TEK: variants seen among roughly 807,000 people sequenced by gnomAD.
TEK encodes angiopoietin-1 receptor.
Under a neutral mutation model 131.8 loss-of-function variants are expected in TEK, and 43 were observed. The ratio of observed to expected loss-of-function variants is 0.33; its 90% CI spans 0.26 to 0.42. The LOEUF is 0.42. TEK is among the 10% of genes least tolerant of loss of function. TEK has a pLI of 1.00. For missense variants in TEK, 1,162 were observed against 1,384.4 expected, an observed-to-expected ratio of 0.84 and a Z score of 2.55; for synonymous variants, 580 against 491.6, an observed-to-expected ratio of 1.18 and a Z score of -2.38.
chr9:27,203,084 T>A lies in TEK; in HGVS notation c.2174T>A (p.Phe725Tyr). 6.2e-7 allele frequency: 1 copy of A among 1,614,098 alleles called. No individual in the cohort carries two copies. The highest frequency in any genetic ancestry group is 8.5e-7 in the Non-Finnish European group (1 of 1,179,994). Residue 725 changes from phenylalanine to tyrosine, a missense_variant, in exon 13 of 23, where the codon TTT becomes TAT. Around this residue, in one of 6 missense-constraint regions of TEK, gnomAD observed 477 missense variants for 471.0 expected, o/e 1.01. Transcript: ENST00000380036. ...AACATAGGGTCAAGCAACCCAGCCTTTTCTCATGAACTGGTGACCCTCCCA... is the reference window on the plus strand; with the variant it reads ...AACATAGGGTCAAGCAACCCAGCCTATTCTCATGAACTGGTGACCCTCCCA... ...ENNIGSSNPA[F>Y]SHELVTLPES...
At chr9:27,142,279 G>C (rs996370958) in intron 1 of TEK, among the ~76,000 whole-genome samples, 1 of 152,252 alleles carries the variant, frequency 6.6e-6, no homozygotes, top group African/African-American at 2.4e-5. Flanking sequence ...GATACAATGA[G>C]AGAAAGAGTG....
rs62546532 is a variant in TEK at position 27,217,859 on chromosome 9, G to C, written c.3062+101G>C. On this transcript the variant is annotated intron_variant, in intron 19 of 22. Transcript: ENST00000380036. The stretch of plus-strand genomic sequence containing the variant: ...GATACAGGAATGTCCTGTAGCTCTC[G>C]GGAACAAAGGTAACTAAAAAGCTCA... 4,315 of 996,732 alleles carry C rather than the reference G, an allele frequency of 4.3e-3. 15 individuals are homozygous for C. The highest frequency in any genetic ancestry group is 5.7e-3 in the Non-Finnish European group (3,657 of 637,514). 61.7% of individuals were successfully genotyped at this position (996,732 alleles called of 1,614,324 possible). A position where few individuals can be genotyped will look rare whatever the true frequency, so the allele number is the denominator to read the frequency against.
chr9:27,186,227 G>A (rs1261015395), intron 9 of TEK, among the ~76,000 whole-genome samples: 1 of 152,188 alleles, frequency 6.6e-6, no homozygotes, highest in Admixed American at 6.6e-5. Context: ...GAGTGTTTGT[G>A]TGTAGATTTG....
At chr9:27,143,575 C>T (rs1190863456) in intron 1 of TEK, among the ~76,000 whole-genome samples, 3 of 152,218 alleles carry the variant, frequency 2.0e-5, no homozygotes, top group Non-Finnish European at 4.4e-5. Flanking sequence ...CTGATTTGAA[C>T]ATTTAATGAA....
At chr9:27,175,208 A>G (rs1448280802) in intron 6 of TEK, among the ~76,000 whole-genome samples, 1 of 143,078 alleles carries the variant, frequency 7.0e-6, no homozygotes, top group East Asian at 2.2e-4. Context: ...TCACTGTTCA[A>G]TTCCCATCTA....
chr9:27,119,157 T>C (rs1239934984), intron 1 of TEK, among the ~76,000 whole-genome samples: 2 of 152,148 alleles, frequency 1.3e-5, no homozygotes, highest in African/African-American at 4.8e-5. Flanking sequence ...TAGGAAATGA[T>C]GGAGACAAGA....
At chr9:27,165,599 G>T (rs1161553231) in intron 2 of TEK, among the ~76,000 whole-genome samples, 1 of 152,150 alleles carries the variant, frequency 6.6e-6, no homozygotes, top group Non-Finnish European at 1.5e-5. Flanking sequence ...GCACCTCAGG[G>T]CTTAGCCTAC....
intron 2 of TEK, among the ~76,000 whole-genome samples, chr9:27,161,540 G>A (rs754379841): frequency 6.6e-6 from 1 of 152,348 alleles, no homozygotes; most frequent in Non-Finnish European, 1.5e-5. Context: ...ATTTGATGCC[G>A]AGTGATCTGA....
chr9:27,183,473 A>T lies in TEK; in HGVS notation c.1045A>T (p.Thr349Ser), dbSNP rs1370820069. 3 of 1,613,670 alleles carry T rather than the reference A, an allele frequency of 1.9e-6. No homozygotes were observed. The highest frequency in any genetic ancestry group is 2.5e-6 in the Non-Finnish European group (3 of 1,179,800). ...QCEREGIQRM[T>S]PKIVDLPDHI... ...TCTTCCTTCAGGCATACAGAGGATG[A>T]CCCCAAAGATAGTGGATTTGCCAGA... The change falls in exon 8 of 23, where the codon ACC becomes TCC. Residue 349 changes from threonine (T) to serine (S), a missense_variant. Thr to Ser is a moderately conservative substitution (Grantham distance 58). Around this residue, in one of 6 missense-constraint regions of TEK, gnomAD observed 436 missense variants for 539.1 expected, o/e 0.81. Coordinates refer to ENST00000380036, the MANE Select transcript of TEK (RefSeq NM_000459.5).
At chr9:27,193,413 G>T (rs1439080919) in intron 11 of TEK, among the ~76,000 whole-genome samples, 1 of 152,046 alleles carries the variant, frequency 6.6e-6, no homozygotes, top group Non-Finnish European at 1.5e-5. Flanking sequence ...GCTGGTCCTG[G>T]GTCCACACGT....
At chr9:27,209,286 T>A in intron 16 of TEK, 55 bp downstream of exon 16, 1 of 1,219,976 alleles carries the variant, frequency 8.2e-7, no homozygotes, top group Non-Finnish European at 1.2e-6. Flanking sequence ...ACAGACAAAT[T>A]CCATATGGAT....
At chr9:27,211,516 G>A (rs963205234) in intron 16 of TEK, among the ~76,000 whole-genome samples, 7 of 136,436 alleles carry the variant, frequency 5.1e-5, no homozygotes, top group African/African-American at 1.9e-4. Context: ...GCAGTAGCAC[G>A]ATGTCAGCCC....
At chr9:27,179,165 A>G (rs1053776728) in intron 6 of TEK, among the ~76,000 whole-genome samples, 7 of 152,108 alleles carry the variant, frequency 4.6e-5, no homozygotes, top group African/African-American at 1.7e-4. Flanking sequence ...TTTCTTCTTT[A>G]GATGGGCTAT....
rs775994991 is a variant in TEK, at chr9:27,183,645, A to G, written c.1182+35A>G. 1.3e-5 allele frequency: 21 copies of G among 1,612,834 alleles called. No individual in the cohort carries two copies. In the Admixed American group the frequency reaches 3.3e-4, roughly 26 times the overall value. ...ATTCTTAATTTGCCCTTCTTAAAGC[A>G]TGAGATGCTTCAGTGTAGTAATCAC... On this transcript the variant is annotated intron_variant, in intron 8 of 22. Coordinates refer to ENST00000380036, the MANE Select transcript of TEK (RefSeq NM_000459.5).
intron 4 of TEK, 47 bp from the exon 5 acceptor site, chr9:27,172,569 G>T: frequency 6.2e-7 from 1 of 1,609,996 alleles, no homozygotes; most frequent in South Asian, 1.1e-5. Context: ...AAGATGTGTT[G>T]AGCGAATGCG....
chr9:27,132,332 TG>T (rs1216682658), intron 1 of TEK, among the ~76,000 whole-genome samples: 1 of 152,116 alleles, frequency 6.6e-6, no homozygotes, highest in Non-Finnish European at 1.5e-5. Context: ...GTGATTTGCC[TG>T]CCTCGGCCTC....
Position 27,190,553 on chromosome 9 carries a change from C to T in TEK, c.1352C>T (p.Pro451Leu). The T allele has an allele frequency of 6.2e-7, 1 of 1,614,010 alleles. No homozygotes were observed. Among genetic ancestry groups the T allele is most frequent in the East Asian group, 2.2e-5 (1 of 44,868 alleles). Residue 451 changes from proline (P) to leucine (L), a missense_variant, in exon 10 of 23, where the codon CCA (proline) becomes CTA (leucine). Transcript: ENST00000380036. ...VKVLPKPLNA[P>L]NVIDTGHNFA... is the part of the protein sequence containing the mutation. ...GTTCTTCCAAAGCCCCTGAATGCCC[C>T]AAACGTGATTGACACTGGACATAAC... is the stretch of plus-strand genomic sequence containing the variant.
chr9:27,209,907 C>G (rs1825538821), intron 16 of TEK, among the ~76,000 whole-genome samples: 1 of 152,182 alleles, frequency 6.6e-6, no homozygotes, highest in African/African-American at 2.4e-5. Context: ...GGGTTTACCT[C>G]TGCATGCAGC....
intron 21 of TEK, among the ~76,000 whole-genome samples, chr9:27,220,481 GATTA>G (rs36125113): frequency 0.86 from 131,250 of 151,864 alleles, 57,120 homozygotes; most frequent in East Asian, 1. Context: ...TGTTCATTAA[GATTA>G]ATTAAGAAGG....
Sources: allele counts gnomAD v4.1 joint callset (sites outside exome capture counted in the v4.1 genomes callset), GRCh38; gene constraint gnomAD v4.1.1; regional missense constraint gnomAD v4.1.1; transcripts MANE v1.5; gene names NCBI Gene and HGNC (gene_info 2026-07-23, HGNC 2026-07-21).